The following PPP1R16B variants were observed in gnomAD, a reference collection of about 807,000 sequenced individuals.
PPP1R16B encodes protein phosphatase 1 regulatory inhibitor subunit 16B.
Under a neutral mutation model 61.7 loss-of-function variants are expected in PPP1R16B, and 14 were observed. That is an observed-to-expected ratio of 0.23 (90% CI 0.15 to 0.35). The LOEUF is 0.35. Among genes scored for constraint, PPP1R16B ranks in the 10% least tolerant of loss-of-function variants. The pLI, the probability that PPP1R16B is intolerant of heterozygous loss-of-function variation, is 1.00. For synonymous variants in PPP1R16B, 266 were observed against 305.3 expected (o/e 0.87, Z 1.34); for missense variants, 547 against 752.5 (o/e 0.73, Z 3.19).
At chr20:38,810,257 A>G (rs1034893453) in intron 1 of PPP1R16B, among the ~76,000 whole-genome samples, 1 of 152,210 alleles carries the variant, frequency 6.6e-6, no homozygotes, top group African/African-American at 2.4e-5. Flanking sequence ...GGAGTTGCTG[A>G]TGGAGCAGAG....
chr20:38,906,410 C>T (rs994879129), intron 7 of PPP1R16B, among the ~76,000 whole-genome samples: 1 of 150,036 alleles, frequency 6.7e-6, no homozygotes, highest in African/African-American at 2.4e-5. Flanking sequence ...TCTCCTGCCT[C>T]AGCCTCCTGA....
Position 38,918,911 on chromosome 20 carries a change from C to T in PPP1R16B, c.*245C>T. 2.3e-6 allele frequency: 1 copy of T among 442,282 alleles called. No homozygotes were observed. The highest frequency in any genetic ancestry group is 3.6e-5 in the East Asian group (1 of 28,004). The allele number at this position is 442,282 out of a possible 1,614,324, so 27.4% of individuals were successfully genotyped here. ...GCCTGTCGTGGCCTCCTGGTTCACTCTGCTGTCTGATCTTGGGAGGGTGGG... is the reference window on the plus strand; with the variant it reads ...GCCTGTCGTGGCCTCCTGGTTCACTTTGCTGTCTGATCTTGGGAGGGTGGG... On this transcript the variant is annotated 3_prime_UTR_variant, in exon 11 of 11. Coordinates refer to ENST00000299824, the MANE Select transcript of PPP1R16B (RefSeq NM_015568.4). The surrounding 1 kb of genome is among the most constrained non-coding windows in gnomAD (Gnocchi z 5.3).
intron 1 of PPP1R16B, among the ~76,000 whole-genome samples, chr20:38,825,534 G>C (rs2084800488): frequency 6.6e-6 from 1 of 152,106 alleles, no homozygotes; most frequent in Non-Finnish European, 1.5e-5. Flanking sequence ...TCCTCTGCTT[G>C]AGTTCCTAGA....
chr20:38,911,592 A>G (rs2085491015), intron 10 of PPP1R16B, among the ~76,000 whole-genome samples: 1 of 150,512 alleles, frequency 6.6e-6, no homozygotes, highest in South Asian at 2.1e-4. Flanking sequence ...GCTAGAGTGC[A>G]GTGGCGTGCT....
At chr20:38,897,306 G>A (rs2143207) in intron 4 of PPP1R16B, among the ~76,000 whole-genome samples, 2,617 of 152,242 alleles carry the variant, frequency 0.017, 61 homozygotes, top group African/African-American at 0.054. Context: ...CACCCTGGGC[G>A]ACGGAGTGAG....
Position 38,902,676 on chromosome 20 carries a change from C to G in PPP1R16B, c.580C>G (p.Gln194Glu), listed in dbSNP as rs2145774781. ...CCTCTTTCCCACTGCAGGCATCACC[C>G]AAGAGAAAATCAACGAGATGCGGGT... is the stretch of plus-strand genomic sequence containing the variant. ...ETCMAYQGITQEKINEMRVAP... is the reference protein window; with the variant it reads ...ETCMAYQGITEEKINEMRVAP... The change falls in exon 6 of 11, where the codon CAA (glutamine) becomes GAA (glutamate). Residue 194 changes from glutamine (Q) to glutamate (E), a missense_variant. Coordinates refer to ENST00000299824, the MANE Select transcript of PPP1R16B (RefSeq NM_015568.4). 6.2e-7 allele frequency: 1 copy of G among 1,614,190 alleles called. No individual in the cohort carries two copies.
Position 38,918,735 on chromosome 20 carries a change from T to C in PPP1R16B, c.*69T>C. ...GGAATCCAGGCCAGCCCAACAGCCC[T>C]GGCTGGGGAGGTGTCAGGGCAGCTG... On this transcript the variant is annotated 3_prime_UTR_variant, in exon 11 of 11. Transcript: ENST00000299824. The surrounding 1 kb of genome is among the most constrained non-coding windows in gnomAD (Gnocchi z 5.3). 1 of 1,445,940 alleles carries C rather than the reference T, an allele frequency of 6.9e-7. No homozygotes were observed. The allele number at this position is 1,445,940 out of a possible 1,614,324, so 89.6% of individuals were successfully genotyped here.
chr20:38,888,870 TC>T (rs1462198878), intron 2 of PPP1R16B, among the ~76,000 whole-genome samples: 1 of 114,596 alleles, frequency 8.7e-6, no homozygotes, highest in Non-Finnish European at 1.8e-5. Flanking sequence ...CCACCCAGAA[TC>T]CCTGAACACA....
chr20:38,895,341 T>G (rs1452212308), intron 3 of PPP1R16B, among the ~76,000 whole-genome samples: 1 of 150,744 alleles, frequency 6.6e-6, no homozygotes, highest in African/African-American at 2.5e-5. Context: ...TCTTACATAT[T>G]ATTAACTTCA....
In PPP1R16B at chr20:38,918,526, G is replaced by A. The variant is rs957753019; in HGVS notation, c.1564G>A (p.Gly522Arg). The A allele has an allele frequency of 1.3e-6, 2 of 1,593,460 alleles. No individual in the cohort carries two copies. The highest frequency in any genetic ancestry group is 1.1e-5 in the South Asian group (1 of 88,462). The change falls in exon 11 of 11, where the codon GGA becomes AGA. Residue 522 changes from glycine to arginine, a missense_variant. Gly to Arg is a moderately radical substitution (Grantham distance 125). Coordinates refer to ENST00000299824, the MANE Select transcript of PPP1R16B (RefSeq NM_015568.4). This position sits in a 1 kb window ranked among gnomAD's most constrained non-coding sequence, Gnocchi z 5.3. ...SSSEGKAPLI[G>R]GRTSPYSSNG... is the part of the protein sequence containing the mutation. ...CAGTGAAGGCAAGGCCCCCTTGATC[G>A]GAGGCAGAACTTCACCGTACAGCAG... is the stretch of plus-strand genomic sequence containing the variant.
At chr20:38,868,756 A>G (rs208810) in intron 2 of PPP1R16B, among the ~76,000 whole-genome samples, 117,232 of 152,132 alleles carry the variant, frequency 0.77, 45,502 homozygotes, top group South Asian at 0.85. Context: ...TCATTTGTGT[A>G]TGGATGTGTG....
intron 1 of PPP1R16B, among the ~76,000 whole-genome samples, chr20:38,816,127 CAGA>C (rs1490021609): frequency 1.3e-5 from 2 of 150,892 alleles, no homozygotes; most frequent in Admixed American, 6.6e-5. Flanking sequence ...GTGGGGGCAG[CAGA>C]AGAAGTGGGA....
At position 38,906,013 on chromosome 20, in the gene PPP1R16B, C is replaced by T. The variant is rs2085438497; in HGVS notation, c.741C>T (p.Leu247=). Residue 247 remains leucine, a synonymous_variant, in exon 7 of 11, where the codon CTC becomes CTT. Coordinates refer to ENST00000299824, the MANE Select transcript of PPP1R16B (RefSeq NM_015568.4). ...ATGGATACCTGCGGGCAGCTGAGCT[C>T]CTCCTGGACCATGGAGTGCGTGTGG... The part of the protein sequence containing the change: ...GANGYLRAAE[L]LLDHGVRVDV... 1 of 1,613,608 alleles carries T rather than the reference C, an allele frequency of 6.2e-7. No individual in the cohort carries two copies.
chr20:38,848,555 T>G (rs1000483097), intron 2 of PPP1R16B, among the ~76,000 whole-genome samples: 20 of 152,214 alleles, frequency 1.3e-4, no homozygotes, highest in Non-Finnish European at 2.4e-4. Context: ...CTCTTTTTTT[T>G]CAAAATGTTC....
intron 4 of PPP1R16B, among the ~76,000 whole-genome samples, chr20:38,897,750 A>G (rs1240073800): frequency 6.6e-6 from 1 of 152,148 alleles, no homozygotes; most frequent in African/African-American, 2.4e-5. Flanking sequence ...ATCCTCACCA[A>G]CACTTGCTAT....
intron 2 of PPP1R16B, among the ~76,000 whole-genome samples, chr20:38,873,611 C>T (rs778606317): frequency 1.3e-5 from 2 of 152,166 alleles, no homozygotes; most frequent in Non-Finnish European, 2.9e-5. Flanking sequence ...GGCGCTCACA[C>T]GCTGTTGGCA....
intron 1 of PPP1R16B, among the ~76,000 whole-genome samples, chr20:38,817,397 T>C (rs907282923): frequency 2.6e-5 from 4 of 151,698 alleles, no homozygotes. Context: ...ACCCTGTCTC[T>C]ACTAAAAATA....
intron 2 of PPP1R16B, among the ~76,000 whole-genome samples, chr20:38,850,693 G>A (rs1305666674): frequency 6.6e-6 from 1 of 152,154 alleles, no homozygotes; most frequent in African/African-American, 2.4e-5. Flanking sequence ...AGGGCCCAGC[G>A]TGGTGCTCAC....
At chr20:38,909,028 G>C (rs545991903) in intron 10 of PPP1R16B, among the ~76,000 whole-genome samples, 1 of 152,082 alleles carries the variant, frequency 6.6e-6, no homozygotes, top group Non-Finnish European at 1.5e-5. Context: ...TTGAGACAGG[G>C]TCTTGCTCTG....
Sources: allele counts gnomAD v4.1 joint callset (sites outside exome capture counted in the v4.1 genomes callset), GRCh38; gene constraint gnomAD v4.1.1; non-coding constraint Gnocchi (gnomAD v3.1); transcripts MANE v1.5; gene names NCBI Gene and HGNC (gene_info 2026-07-23, HGNC 2026-07-21).